Variants in PCDHAC1 observed in about 807,000 individuals in gnomAD.
PCDHAC1 encodes protocadherin alpha subfamily C, 1.
A neutral mutation model predicts 60.0 loss-of-function variants in PCDHAC1; 42 were observed. The observed-to-expected ratio is 0.70, with a 90% CI of 0.55 to 0.90. PCDHAC1 has a LOEUF of 0.90. PCDHAC1 is among the 40% of genes least tolerant of loss of function. PCDHAC1 has a pLI of 0.00. For missense variants in PCDHAC1, 1,160 were observed against 1,222.3 expected, an observed-to-expected ratio of 0.95 and a Z score of 0.76; for synonymous variants, 468 against 499.3, an observed-to-expected ratio of 0.94 and a Z score of 0.84.
intron 2 of PCDHAC1, among the ~76,000 whole-genome samples, chr5:140,981,825 T>G (rs941645731): frequency 2.0e-5 from 3 of 152,184 alleles, no homozygotes; most frequent in African/African-American, 7.2e-5. Context: ...TCTGCTTGCC[T>G]CTAAAGGTCT....
At chr5:140,983,178 A>G (rs1302819191) in intron 3 of PCDHAC1, among the ~76,000 whole-genome samples, 2 of 152,158 alleles carry the variant, frequency 1.3e-5, no homozygotes, top group Admixed American at 6.5e-5. Context: ...CCGCCTCACA[A>G]TTTCTTAGTT....
chr5:140,996,172 C>G (rs1694773459), intron 3 of PCDHAC1, among the ~76,000 whole-genome samples: 1 of 152,210 alleles, frequency 6.6e-6, no homozygotes, highest in African/African-American at 2.4e-5. Flanking sequence ...AATGTGCTGA[C>G]AGCACCTCCA....
At chr5:140,961,083 T>C (rs1470868954) in intron 1 of PCDHAC1, among the ~76,000 whole-genome samples, 1 of 152,198 alleles carries the variant, frequency 6.6e-6, no homozygotes, top group Non-Finnish European at 1.5e-5. Context: ...ATCAAGTAAT[T>C]GTTGACTTTT....
At chr5:140,935,382 T>G (rs1475831801) in intron 1 of PCDHAC1, among the ~76,000 whole-genome samples, 1 of 152,218 alleles carries the variant, frequency 6.6e-6, no homozygotes, top group Non-Finnish European at 1.5e-5. Flanking sequence ...AATTACTCAT[T>G]TGTTATCCCA....
intron 3 of PCDHAC1, among the ~76,000 whole-genome samples, chr5:141,003,899 A>G (rs1288060303): frequency 1.3e-5 from 2 of 152,200 alleles, no homozygotes; most frequent in East Asian, 1.9e-4. Context: ...AGGCCCATTC[A>G]TTTGGGTCTT....
At chr5:140,982,711 A>T (rs370595783) in intron 3 of PCDHAC1, 148 bp downstream of exon 3, 2 of 1,370,268 alleles carry the variant, frequency 1.5e-6, no homozygotes, top group African/African-American at 2.9e-5. Context: ...TTCCTTACAT[A>T]TATGATTATT....
At chr5:140,942,638 A>T (rs1478847405) in intron 1 of PCDHAC1, among the ~76,000 whole-genome samples, 1 of 152,122 alleles carries the variant, frequency 6.6e-6, no homozygotes, top group Non-Finnish European at 1.5e-5. Context: ...AAATGGCAAA[A>T]GAGATCTCAT....
At chr5:140,995,837 C>T (rs1554254841) in intron 3 of PCDHAC1, among the ~76,000 whole-genome samples, 2 of 152,158 alleles carry the variant, frequency 1.3e-5, no homozygotes, top group Non-Finnish European at 2.9e-5. Context: ...TGCACAGTGC[C>T]TCACATTTCT....
Position 140,927,135 on chromosome 5 carries a change from G to T in PCDHAC1, c.243G>T (p.Ala81=). The change falls in exon 1 of 4, where the codon GCG becomes GCT. Residue 81 remains alanine, a synonymous_variant. Coordinates refer to ENST00000253807, the MANE Select transcript of PCDHAC1 (RefSeq NM_018898.5). ...GCAATTTGGTGGTCAGAGAGCCGGC[G>T]GACCGCGAACAGCTGTGCAGGGCCA... The part of the protein sequence containing the change: ...PSGNLVVREP[A]DREQLCRAKA... 1 of 1,614,062 alleles carries T rather than the reference G, an allele frequency of 6.2e-7. No individual in the cohort carries two copies. The highest frequency in any genetic ancestry group is 8.5e-7 in the Non-Finnish European group (1 of 1,179,972).
rs2098422801 is a variant in PCDHAC1, at chr5:141,012,055, C to T, written c.*2118C>T. On this transcript the variant is annotated 3_prime_UTR_variant, in exon 4 of 4. Coordinates refer to ENST00000253807, the MANE Select transcript of PCDHAC1 (RefSeq NM_018898.5). ...GGATTGCATGGGGTAAAACTTGTTA[C>T]CAACACATGTGAACCATTGCTACAT... The T allele has an allele frequency of 6.5e-6, 1 of 153,666 alleles. No individual in the cohort carries two copies. Among genetic ancestry groups the T allele is most frequent in the African/African-American group, 2.4e-5 (1 of 41,404 alleles). 9.5% of individuals were successfully genotyped at this position (153,666 alleles called of 1,614,324 possible).
At chr5:140,989,970 A>C (rs2097368842) in intron 3 of PCDHAC1, among the ~76,000 whole-genome samples, 1 of 152,136 alleles carries the variant, frequency 6.6e-6, no homozygotes, top group Non-Finnish European at 1.5e-5. Flanking sequence ...GAGCTTCCTC[A>C]GCAACAGCCC....
chr5:140,994,189 G>T (rs992894961), intron 3 of PCDHAC1, among the ~76,000 whole-genome samples: 2 of 152,176 alleles, frequency 1.3e-5, no homozygotes, highest in Admixed American at 6.5e-5. Context: ...AACCACCAGG[G>T]CCTGTTGGTC....
intron 1 of PCDHAC1, among the ~76,000 whole-genome samples, chr5:140,952,740 C>T (rs2094790841): frequency 1.3e-5 from 2 of 152,184 alleles, no homozygotes; most frequent in African/African-American, 2.4e-5. Flanking sequence ...TTTTCTCACA[C>T]TGCTATAAAA....
At chr5:140,966,683 G>A (rs1357691419) in intron 1 of PCDHAC1, 1 of 1,331,590 alleles carries the variant, frequency 7.5e-7, no homozygotes. Flanking sequence ...TGGCACGAGC[G>A]GAGGCGGGGC....
intron 1 of PCDHAC1, among the ~76,000 whole-genome samples, chr5:140,944,948 A>T (rs1425847139): frequency 6.6e-6 from 1 of 152,200 alleles, no homozygotes; most frequent in African/African-American, 2.4e-5. Context: ...ATGATTGTGA[A>T]TAAGAGTATT....
At chr5:140,936,662 CT>C (rs1337986057) in intron 1 of PCDHAC1, among the ~76,000 whole-genome samples, 1 of 152,178 alleles carries the variant, frequency 6.6e-6, no homozygotes, top group Non-Finnish European at 1.5e-5. Context: ...TATTCTGTTT[CT>C]GGACTGTCTA....
rs545893416 is a variant in PCDHAC1, at chr5:140,934,382, A to G, written c.2433+5057A>G. On this transcript the variant is annotated intron_variant, in intron 1 of 3. Transcript: ENST00000253807. ...CTGCTTTGACTCCTTCTGTGGTTCT[A>G]TGGTGGCCAGCTTTACCCACCAATG... Among the ~76,000 whole-genome samples the G allele has an allele frequency of 2.0e-3, 310 of 152,264 alleles. 8 individuals are homozygous for G. Among genetic ancestry groups the G allele is most frequent in the South Asian group, 3.9e-3 (19 of 4,830 alleles).
intron 3 of PCDHAC1, among the ~76,000 whole-genome samples, chr5:140,988,745 G>A (rs943188955): frequency 3.9e-5 from 6 of 152,152 alleles, no homozygotes; most frequent in Non-Finnish European, 5.9e-5. Flanking sequence ...TCTAGGATTG[G>A]TGGCCTGGGC....
chr5:140,983,801 T>G (rs1386165689), intron 3 of PCDHAC1, among the ~76,000 whole-genome samples: 1 of 152,214 alleles, frequency 6.6e-6, no homozygotes, highest in Non-Finnish European at 1.5e-5. Context: ...AATGTGTGTG[T>G]AAAAGGTTTT....
Sources: gnomAD v4.1 joint callset for allele counts (sites outside exome capture counted in the v4.1 genomes callset) on GRCh38, gnomAD v4.1.1 for gene constraint, MANE v1.5 for transcripts, NCBI Gene and HGNC (gene_info 2026-07-23, HGNC 2026-07-21) for gene names.